The following MATN2 variants were observed in gnomAD, a reference collection of about 807,000 sequenced individuals.
MATN2 encodes matrilin-2.
MATN2 carries 69 observed loss-of-function variants against 103.2 expected under a neutral mutation model. That is an observed-to-expected ratio of 0.67 (90% confidence interval 0.55 to 0.82). MATN2 has a LOEUF of 0.82. MATN2 is among the 40% of genes least tolerant of loss of function. The pLI, the probability that MATN2 is intolerant of heterozygous loss-of-function variation, is 0.00. For missense variants in MATN2, 1,023 were observed against 1,211.5 expected (o/e 0.84, Z 2.31); for synonymous variants, 429 against 450.2 (o/e 0.95, Z 0.60).
intron 4 of MATN2, among the ~76,000 whole-genome samples, chr8:97,957,710 T>C (rs1811186516): frequency 6.6e-6 from 1 of 152,170 alleles, no homozygotes; most frequent in Non-Finnish European, 1.5e-5. Flanking sequence ...GGTCTCATCA[T>C]TAAAGGGGGA....
chr8:97,960,685 A>C (rs941544114), intron 4 of MATN2, among the ~76,000 whole-genome samples: 55 of 152,228 alleles, frequency 3.6e-4, no homozygotes, highest in Admixed American at 2.6e-4. Flanking sequence ...GAATACATAG[A>C]GCACAAAGAG....
chr8:97,878,852 A>AG (rs2129943343), intron 1 of MATN2, among the ~76,000 whole-genome samples: 1 of 145,640 alleles, frequency 6.9e-6, no homozygotes, highest in South Asian at 2.1e-4. Flanking sequence ...ACTCCATCTC[A>AG]AAAAAAAAAG....
intron 2 of MATN2, among the ~76,000 whole-genome samples, chr8:97,896,924 G>T (rs1818830031): frequency 6.7e-6 from 1 of 150,200 alleles, no homozygotes; most frequent in Non-Finnish European, 1.5e-5. Context: ...CGACAGGGCT[G>T]GGCAGTGGGA....
intron 4 of MATN2, among the ~76,000 whole-genome samples, chr8:97,961,165 C>T (rs190462638): frequency 5.9e-5 from 9 of 152,300 alleles, no homozygotes; most frequent in African/African-American, 1.9e-4. Context: ...GAAAACTCAC[C>T]AAAATGTTAA....
intron 7 of MATN2, among the ~76,000 whole-genome samples, chr8:97,997,191 C>T (rs757296276): frequency 3.9e-5 from 6 of 152,220 alleles, no homozygotes; most frequent in Non-Finnish European, 7.3e-5. Flanking sequence ...GCTCCAGGAT[C>T]CCTGATTCTG....
chr8:98,027,891 G>A lies in MATN2; in HGVS notation c.2356+62G>A. 2.0e-6 allele frequency: 3 copies of A among 1,488,698 alleles called. No individual in the cohort carries two copies. In the South Asian group the frequency reaches 4.2e-5, roughly 21 times the overall value. 92.2% of individuals were successfully genotyped at this position (1,488,698 alleles called of 1,614,324 possible). On this transcript the variant is annotated intron_variant, in intron 14 of 18. Coordinates refer to ENST00000254898, the MANE Select transcript of MATN2 (RefSeq NM_002380.5). ...GGTTCAGGTTTCTTAAACTCACTCA[G>A]TGGTCTCAGCTGGCCATAAGGGTAA...
chr8:97,949,536 C>G (rs980981170), intron 4 of MATN2, among the ~76,000 whole-genome samples: 3 of 152,104 alleles, frequency 2.0e-5, no homozygotes. Flanking sequence ...AACTGGAATG[C>G]TCATACATCA....
At chr8:97,967,095 C>T (rs1341049167) in intron 5 of MATN2, among the ~76,000 whole-genome samples, 2 of 152,166 alleles carry the variant, frequency 1.3e-5, no homozygotes, top group East Asian at 1.9e-4. Flanking sequence ...AACCAAATCT[C>T]ACATGAACTA....
In MATN2 at chr8:97,971,381, T is replaced by C. The variant is rs148653516; in HGVS notation, c.959-7505T>C. Among the ~76,000 whole-genome samples the C allele has an allele frequency of 9.3e-4, 141 of 152,320 alleles. 1 individual carries two copies. Among genetic ancestry groups the C allele is most frequent in the Non-Finnish European group, 1.6e-3 (107 of 68,022 alleles). On this transcript the variant is annotated intron_variant, in intron 5 of 18. Coordinates refer to ENST00000254898, the MANE Select transcript of MATN2 (RefSeq NM_002380.5). ...CTTAGTCATGGACTCAGCATTTTTT[T>C]ATAGATTTCCACACATTTGAGTAAG... is the stretch of plus-strand genomic sequence containing the variant.
At chr8:98,023,440 G>T (rs986318777) in intron 13 of MATN2, among the ~76,000 whole-genome samples, 4 of 152,156 alleles carry the variant, frequency 2.6e-5, no homozygotes, top group Non-Finnish European at 5.9e-5. Flanking sequence ...GGAAGCTGTG[G>T]TGGGAGGATT....
intron 15 of MATN2, chr8:98,031,994 G>T (rs562237511): frequency 1.0e-5 from 3 of 297,938 alleles, no homozygotes; most frequent in Admixed American, 1.0e-4. Flanking sequence ...TTCTAGACAT[G>T]ACATTTTTGG....
intron 6 of MATN2, among the ~76,000 whole-genome samples, chr8:97,987,621 G>C (rs1812238347): frequency 6.6e-6 from 1 of 151,962 alleles, no homozygotes; most frequent in African/African-American, 2.4e-5. Flanking sequence ...GTTATTATTT[G>C]ATTAATGAAT....
intron 2 of MATN2, among the ~76,000 whole-genome samples, chr8:97,902,022 G>A (rs564647942): frequency 6.6e-6 from 1 of 152,072 alleles, no homozygotes; most frequent in East Asian, 1.9e-4. Flanking sequence ...TAGGGAACAT[G>A]TATTTTATAA....
intron 2 of MATN2, among the ~76,000 whole-genome samples, chr8:97,916,607 C>T (rs762985857): frequency 3.3e-5 from 5 of 152,114 alleles, no homozygotes; most frequent in Non-Finnish European, 5.9e-5. Flanking sequence ...CATTTAGCTC[C>T]CACTTATAAA....
At chr8:97,961,871 G>A (rs778410297) in intron 5 of MATN2, among the ~76,000 whole-genome samples, 1 of 152,144 alleles carries the variant, frequency 6.6e-6, no homozygotes, top group Non-Finnish European at 1.5e-5. Context: ...ATATAGCTCA[G>A]GTGTTATACA....
chr8:97,909,037 C>G (rs1237865879), intron 2 of MATN2, among the ~76,000 whole-genome samples: 1 of 152,052 alleles, frequency 6.6e-6, no homozygotes, highest in Non-Finnish European at 1.5e-5. Context: ...CTCCCATGCT[C>G]AAGTGATCCT....
intron 5 of MATN2, among the ~76,000 whole-genome samples, chr8:97,974,737 G>A (rs550477718): frequency 9.2e-5 from 14 of 152,320 alleles, no homozygotes; most frequent in East Asian, 1.9e-4. Context: ...GAGCCACCGC[G>A]TCCAGCCCCA....
chr8:97,930,312 A>C (rs1013425147), intron 2 of MATN2, among the ~76,000 whole-genome samples: 1 of 152,244 alleles, frequency 6.6e-6, no homozygotes, highest in South Asian at 2.1e-4. Flanking sequence ...TATTCTCTGC[A>C]GTGCCCAGCC....
intron 3 of MATN2, among the ~76,000 whole-genome samples, chr8:97,941,127 T>C (rs1810540889): frequency 7.9e-6 from 1 of 125,862 alleles, no homozygotes; most frequent in Non-Finnish European, 1.6e-5. Flanking sequence ...GTGCCACTGC[T>C]CTCCAGCCTG....
Sources: allele counts gnomAD v4.1 joint callset (sites outside exome capture counted in the v4.1 genomes callset), GRCh38; gene constraint gnomAD v4.1.1; transcripts MANE v1.5; gene names NCBI Gene and HGNC (gene_info 2026-07-23, HGNC 2026-07-21).